KDM5B: variants seen among roughly 807,000 people sequenced by gnomAD.
KDM5B encodes lysine demethylase 5B.
KDM5B carries 144 observed loss-of-function variants against 193.4 expected under a neutral mutation model. That is an observed-to-expected ratio of 0.74 (90% confidence interval 0.65 to 0.86). The LOEUF is 0.86. Ranked by LOEUF, KDM5B falls within the 40% of genes least tolerant of loss-of-function variation. The probability of loss-of-function intolerance (pLI) is 0.00; values close to 1 mark genes in which losing one functional copy is unlikely to be tolerated. For missense variants in KDM5B, 1,833 were observed against 1,886.9 expected (o/e 0.97, Z 0.53); for synonymous variants, 668 against 682.6 (o/e 0.98, Z 0.33).
rs1654712538 is a variant in KDM5B, at chr1:202,727,397, C to G, written c.*1639G>C. The G allele has an allele frequency of 6.6e-6, 1 of 152,568 alleles. No homozygotes were observed. The highest frequency in any genetic ancestry group is 1.5e-5 in the Non-Finnish European group (1 of 68,028). The allele number at this position is 152,568 out of a possible 1,614,324, so 9.5% of individuals were successfully genotyped here. On this transcript the variant is annotated 3_prime_UTR_variant, in exon 27 of 27. Transcript: ENST00000367265. ...AACAACTGCAGAAAACTGCAGACAA[C>G]TAGAAGTCATTCTTAAAGAGATTTA...
intron 1 of KDM5B, among the ~76,000 whole-genome samples, chr1:202,793,002 CA>C (rs35356889): frequency 0.51 from 56,628 of 111,696 alleles, 11,656 homozygotes; most frequent in Middle Eastern, 0.67. Flanking sequence ...GACTCCCTCT[CA>C]AAAAAAAAAA....
At chr1:202,797,478 C>T (rs1553363759) in intron 1 of KDM5B, among the ~76,000 whole-genome samples, 1 of 152,114 alleles carries the variant, frequency 6.6e-6, no homozygotes, top group Non-Finnish European at 1.5e-5. Context: ...TAATTAACTT[C>T]AATAAATAAA....
chr1:202,741,345 A>T (rs750166580), intron 19 of KDM5B, 22 bp downstream of exon 19: 2 of 1,495,596 alleles, frequency 1.3e-6, no homozygotes. Flanking sequence ...CTTCCCAAAG[A>T]AAGAGAAGTC....
chr1:202,753,207 G>T, intron 11 of KDM5B, 140 bp from the exon 12 acceptor site: 1 of 724,314 alleles, frequency 1.4e-6, no homozygotes, highest in Non-Finnish European at 2.2e-6. Context: ...CATTAGAAAT[G>T]TGAATGTGAG....
chr1:202,730,668 T>C (rs1654850010), intron 25 of KDM5B, among the ~76,000 whole-genome samples: 1 of 152,172 alleles, frequency 6.6e-6, no homozygotes, highest in East Asian at 1.9e-4. Context: ...CTCAGGGGCC[T>C]TAAATGTGAT....
At chr1:202,740,858 C>A in intron 19 of KDM5B, 46 bp from the exon 20 acceptor site, 1 of 1,550,112 alleles carries the variant, frequency 6.5e-7, no homozygotes, top group South Asian at 1.2e-5. Context: ...TATGATGGTT[C>A]ATTTTTCTTA....
At position 202,774,845 on chromosome 1, in the gene KDM5B, A is replaced by T. The variant is rs549783542; in HGVS notation, c.283-110T>A. 4.2e-4 allele frequency: 426 copies of T among 1,012,272 alleles called. No individual in the cohort carries two copies. In the African/African-American group the frequency reaches 4.3e-3, roughly 10 times the overall value. 62.7% of individuals were successfully genotyped at this position (1,012,272 alleles called of 1,614,324 possible). A position where few individuals can be genotyped will look rare whatever the true frequency, so the allele number is the denominator to read the frequency against. Reference sequence around the variant, plus strand: ...TTTAAGTACAATACCACTTAAAAAAATTTTTTTTTAATTTAATGCTCTTTC... The same window carrying T: ...TTTAAGTACAATACCACTTAAAAAATTTTTTTTTTAATTTAATGCTCTTTC... On this transcript the variant is annotated intron_variant, in intron 2 of 26. Coordinates refer to ENST00000367265, the MANE Select transcript of KDM5B (RefSeq NM_006618.5).
chr1:202,793,724 T>C (rs929454247), intron 1 of KDM5B, among the ~76,000 whole-genome samples: 1 of 152,218 alleles, frequency 6.6e-6, no homozygotes, highest in Admixed American at 6.5e-5. Context: ...CAAATTATCT[T>C]AGAATCCTAA....
In KDM5B at chr1:202,750,896, G is replaced by A. The variant is rs1230529809; in HGVS notation, c.1702-118C>T. The A allele has an allele frequency of 4.6e-5, 48 of 1,049,000 alleles. No individual in the cohort carries two copies. In the Admixed American group the frequency reaches 1.1e-3, roughly 24 times the overall value. The allele number at this position is 1,049,000 out of a possible 1,614,324, so 65.0% of individuals were successfully genotyped here. A position where few individuals can be genotyped will look rare whatever the true frequency, so the allele number is the denominator to read the frequency against. On this transcript the variant is annotated intron_variant, in intron 12 of 26. Transcript: ENST00000367265. ...AAAAAAGGCAGCTTTCTGAAATTGA[G>A]CCAGAAAAAACAAATTATTATAGTA...
At chr1:202,790,211 C>T (rs1479174293) in intron 1 of KDM5B, among the ~76,000 whole-genome samples, 3 of 150,964 alleles carry the variant, frequency 2.0e-5, no homozygotes, top group African/African-American at 4.9e-5. Flanking sequence ...TGCGGTAAGC[C>T]GAGATCACGC....
intron 8 of KDM5B, among the ~76,000 whole-genome samples, chr1:202,760,043 T>C (rs1656183485): frequency 6.6e-6 from 1 of 152,162 alleles, no homozygotes; most frequent in South Asian, 2.1e-4. Flanking sequence ...CCAAGTGAGA[T>C]GGCTCAGACC....
At position 202,731,869 on chromosome 1, in the gene KDM5B, T is replaced by A. The variant is rs535998978; in HGVS notation, c.3980A>T (p.His1327Leu). Reference protein sequence around the residue: ...DDWDNRTSYLHSPFSTGRSCI... With the variant: ...DDWDNRTSYLLSPFSTGRSCI... ...ACTTCGTCCAGTTGAGAAGGGGGAG[T>A]GCAAATATGAGGTTCTGTTGTCCCA... The change falls in exon 24 of 27, where the codon CAC becomes CTC. Residue 1327 changes from histidine to leucine, a missense_variant. Physicochemically the swap from His to Leu is moderately conservative, Grantham distance 99. Around this residue, in one of 3 missense-constraint regions of KDM5B, gnomAD observed 1,379 missense variants for 1,349.6 expected, o/e 1.02. Transcript: ENST00000367265. 1.2e-6 allele frequency: 2 copies of A among 1,612,610 alleles called. No individual in the cohort carries two copies. Among genetic ancestry groups the A allele is most frequent in the African/African-American group, 2.7e-5 (2 of 74,558 alleles).
chr1:202,784,114 AT>A (rs1016988459), intron 1 of KDM5B, among the ~76,000 whole-genome samples: 14 of 152,260 alleles, frequency 9.2e-5, no homozygotes, highest in African/African-American at 3.4e-4. Context: ...GATGCTGAAG[AT>A]TTTTCCAAAA....
At chr1:202,740,393 C>T (rs1194860067) in intron 20 of KDM5B, among the ~76,000 whole-genome samples, 2 of 117,490 alleles carry the variant, frequency 1.7e-5, no homozygotes, top group Non-Finnish European at 3.7e-5. Context: ...ACAGGGCAGC[C>T]GGCCGGGTGG....
chr1:202,740,398 G>A (rs547028426), intron 20 of KDM5B, among the ~76,000 whole-genome samples: 21 of 122,840 alleles, frequency 1.7e-4, no homozygotes, highest in African/African-American at 5.0e-4. Context: ...GCAGCCGGCC[G>A]GGTGGGGGTC....
At chr1:202,785,877 C>CCAGG (rs1657389611) in intron 1 of KDM5B, among the ~76,000 whole-genome samples, 1 of 150,852 alleles carries the variant, frequency 6.6e-6, no homozygotes, top group Admixed American at 6.6e-5. Context: ...CCACTTCATT[C>CCAGG]CAGCCTGGGC....
In KDM5B at chr1:202,726,883, A is replaced by T. The variant is rs1309041619; in HGVS notation, c.*2153T>A. The T allele has an allele frequency of 6.6e-6, 1 of 152,282 alleles. No individual in the cohort carries two copies. Among genetic ancestry groups the T allele is most frequent in the Non-Finnish European group, 1.5e-5 (1 of 68,054 alleles). The allele number at this position is 152,282 out of a possible 1,614,324, so 9.4% of individuals were successfully genotyped here. A position where few individuals can be genotyped will look rare whatever the true frequency, so the allele number is the denominator to read the frequency against. ...AACCCAGGCTTTGTTATTTACTAGT[A>T]GTACAGTGTAGCTTTGGGCAACTGA... On this transcript the variant is annotated 3_prime_UTR_variant, in exon 27 of 27. Transcript: ENST00000367265.
intron 14 of KDM5B, 102 bp from the exon 15 acceptor site, chr1:202,746,425 C>T: frequency 1.5e-6 from 1 of 651,544 alleles, no homozygotes; most frequent in African/African-American, 1.8e-5. Flanking sequence ...AAAAAAAAAG[C>T]TTTACCAAAA....
At chr1:202,796,172 A>G (rs1572779381) in intron 1 of KDM5B, 3 of 215,134 alleles carry the variant, frequency 1.4e-5, no homozygotes, top group South Asian at 1.2e-4. Context: ...GCTGGTGGCC[A>G]GTGAGCTGAC....
Sources: allele counts gnomAD v4.1 joint callset (sites outside exome capture counted in the v4.1 genomes callset), GRCh38; gene constraint gnomAD v4.1.1; regional missense constraint gnomAD v4.1.1; transcripts MANE v1.5; gene names NCBI Gene and HGNC (gene_info 2026-07-23, HGNC 2026-07-21).